DPP6: variants seen among roughly 807,000 people sequenced by gnomAD.
The protein encoded by DPP6 is dipeptidyl peptidase like 6, also known as A-type potassium channel modulatory protein DPP6.
DPP6 carries 69 observed loss-of-function variants against 122.6 expected under a neutral mutation model. The observed-to-expected ratio is 0.56, with a 90% confidence interval of 0.46 to 0.69. DPP6 has a LOEUF of 0.69. Among genes scored for constraint, DPP6 ranks in the 30% least tolerant of loss-of-function variants. The probability of loss-of-function intolerance (pLI) is 0.00; values close to 1 mark genes in which losing one functional copy is unlikely to be tolerated. For synonymous variants in DPP6, 418 were observed against 433.1 expected, an observed-to-expected ratio of 0.97 and a Z score of 0.43; for missense variants, 928 against 1,116.9, an observed-to-expected ratio of 0.83 and a Z score of 2.41.
chr7:154,627,669 C>T (rs1835171213), intron 5 of DPP6, among the ~76,000 whole-genome samples: 1 of 152,200 alleles, frequency 6.6e-6, no homozygotes, highest in South Asian at 2.1e-4. Context: ...CTGATTCATT[C>T]AGGAAGTTTT....
At chr7:154,240,277 G>T (rs1160330034) in intron 1 of DPP6, among the ~76,000 whole-genome samples, 1 of 152,216 alleles carries the variant, frequency 6.6e-6, no homozygotes, top group South Asian at 2.1e-4. Flanking sequence ...AGCGTAGATT[G>T]TCTCTGTTAC....
intron 1 of DPP6, among the ~76,000 whole-genome samples, chr7:154,186,308 T>C (rs1173418951): frequency 6.6e-6 from 1 of 152,242 alleles, no homozygotes; most frequent in African/African-American, 2.4e-5. Flanking sequence ...AAGCTCTTCC[T>C]TAATGACATC....
At chr7:153,951,643 A>G (rs764357345) in intron 1 of DPP6, among the ~76,000 whole-genome samples, 18 of 152,080 alleles carry the variant, frequency 1.2e-4, no homozygotes, top group Non-Finnish European at 2.4e-4. Context: ...TGGTGAGATT[A>G]TTTTATTTTA....
chr7:154,872,944 G>GTGAGGC (rs1804518317), intron 19 of DPP6, among the ~76,000 whole-genome samples: 1 of 152,192 alleles, frequency 6.6e-6, no homozygotes, highest in Admixed American at 6.5e-5. Context: ...TGACCATAAA[G>GTGAGGC]TGAGGCTGCT....
intron 1 of DPP6, among the ~76,000 whole-genome samples, chr7:154,349,091 T>A (rs1186750222): frequency 6.6e-6 from 1 of 152,346 alleles, no homozygotes; most frequent in East Asian, 1.9e-4. Context: ...GGCAAACATA[T>A]GCCATGAAAC....
At chr7:154,779,037 C>CCAG (rs1796811384) in intron 10 of DPP6, among the ~76,000 whole-genome samples, 5 of 150,518 alleles carry the variant, frequency 3.3e-5, no homozygotes, top group South Asian at 2.1e-4. Flanking sequence ...TCCACCACCA[C>CCAG]CACCACAACT....
intron 2 of DPP6, among the ~76,000 whole-genome samples, chr7:154,466,824 C>A (rs1189923757): frequency 6.6e-6 from 1 of 152,198 alleles, no homozygotes; most frequent in Non-Finnish European, 1.5e-5. Flanking sequence ...AAAGCACATT[C>A]ATTCACTCTA....
At chr7:153,864,093 TA>T in the DPP6 span, among the ~76,000 whole-genome samples, 3 of 152,194 alleles carry the variant, frequency 2.0e-5, no homozygotes, top group African/African-American at 7.2e-5. Flanking sequence ...CTCTTGGGTA[TA>T]TACTCAGGAT....
chr7:153,982,868 A>G (rs1796661264), intron 1 of DPP6, among the ~76,000 whole-genome samples: 1 of 152,248 alleles, frequency 6.6e-6, no homozygotes. Flanking sequence ...GGGTATCACC[A>G]GTGAAGGCTG....
the DPP6 span, among the ~76,000 whole-genome samples, chr7:153,837,545 T>A: frequency 5.3e-5 from 8 of 152,332 alleles, 1 homozygote; most frequent in East Asian, 1.5e-3. Context: ...GGAAACCTGT[T>A]AATTAAAAAT....
At chr7:153,793,620 A>C in the DPP6 span, among the ~76,000 whole-genome samples, 4 of 150,938 alleles carry the variant, frequency 2.7e-5, no homozygotes, top group Admixed American at 6.6e-5. Flanking sequence ...GTGCATAAGT[A>C]ATGAGGAACC....
intron 1 of DPP6, among the ~76,000 whole-genome samples, chr7:154,068,069 C>T (rs1031208836): frequency 6.6e-6 from 1 of 151,862 alleles, no homozygotes; most frequent in Non-Finnish European, 1.5e-5. Flanking sequence ...GCAAGAGACT[C>T]GTTTGAAGTT....
At chr7:154,292,744 C>T (rs1172003370) in intron 1 of DPP6, among the ~76,000 whole-genome samples, 1 of 152,114 alleles carries the variant, frequency 6.6e-6, no homozygotes, top group Non-Finnish European at 1.5e-5. Context: ...TTTTTGATTT[C>T]CTAGGGAACT....
chr7:154,688,543 T>TTAAC (rs535756156), intron 7 of DPP6, among the ~76,000 whole-genome samples: 19 of 152,116 alleles, frequency 1.2e-4, no homozygotes, highest in Non-Finnish European at 2.6e-4. Flanking sequence ...GATATATATA[T>TTAAC]TAACTTACAC....
chr7:154,571,826 C>T (rs745611717), intron 5 of DPP6, among the ~76,000 whole-genome samples: 11 of 152,184 alleles, frequency 7.2e-5, no homozygotes, highest in Non-Finnish European at 1.6e-4. Flanking sequence ...TTACTTGCCA[C>T]TGCATAGCAA....
intron 1 of DPP6, among the ~76,000 whole-genome samples, chr7:154,378,146 G>A (rs897657279): frequency 6.6e-6 from 1 of 152,164 alleles, no homozygotes; most frequent in Non-Finnish European, 1.5e-5. Flanking sequence ...CAATGGTGGG[G>A]CCACTCAAAT....
At chr7:154,793,230 T>C (rs867194651) in intron 10 of DPP6, among the ~76,000 whole-genome samples, 1 of 152,210 alleles carries the variant, frequency 6.6e-6, no homozygotes, top group South Asian at 2.1e-4. Context: ...GGGTGAATGA[T>C]TGAACGCGCA....
intron 20 of DPP6, among the ~76,000 whole-genome samples, chr7:154,880,115 C>A (rs1805268522): frequency 6.6e-6 from 1 of 152,222 alleles, no homozygotes; most frequent in African/African-American, 2.4e-5. Context: ...TCCAGACAGA[C>A]AATAATTTCC....
At chr7:154,351,455 T>G (rs370053779) in intron 1 of DPP6, among the ~76,000 whole-genome samples, 3 of 152,144 alleles carry the variant, frequency 2.0e-5, no homozygotes, top group East Asian at 1.9e-4. Flanking sequence ...AAATTTTCAT[T>G]AAGACAGGGG....
Sources: gnomAD v4.1 joint callset for allele counts (sites outside exome capture counted in the v4.1 genomes callset) on GRCh38, gnomAD v4.1.1 for gene constraint, MANE v1.5 for transcripts, NCBI Gene and HGNC (gene_info 2026-07-23, HGNC 2026-07-21) for gene names.